HLCS: variants seen among roughly 807,000 people sequenced by gnomAD.
HLCS encodes biotin--protein ligase.
HLCS carries 53 observed loss-of-function variants against 75.0 expected under a neutral mutation model. The observed-to-expected ratio is 0.71, with a 90% CI of 0.57 to 0.89. The LOEUF (loss-of-function observed/expected upper bound fraction) is 0.89. HLCS is among the 40% of genes least tolerant of loss of function. The probability of loss-of-function intolerance (pLI) is 0.00; values close to 1 mark genes in which losing one functional copy is unlikely to be tolerated. For synonymous variants in HLCS, 431 were observed against 428.6 expected (o/e 1.01, Z -0.07); for missense variants, 966 against 1,074.0 (o/e 0.90, Z 1.41).
At chr21:36,989,043 TTTA>T (rs1196981050) in intron 1 of HLCS, among the ~76,000 whole-genome samples, 2 of 84,650 alleles carry the variant, frequency 2.4e-5, no homozygotes, top group African/African-American at 8.9e-5. Flanking sequence ...TATTTATTTA[TTTA>T]TTTTTTTTGA....
chr21:36,908,969 C>T (rs890191591), intron 5 of HLCS, among the ~76,000 whole-genome samples: 4 of 151,968 alleles, frequency 2.6e-5, no homozygotes, highest in African/African-American at 4.8e-5. Flanking sequence ...CTGAGGCGGG[C>T]GGATCACAAG....
chr21:36,787,398 T>G (rs2060721441), intron 6 of HLCS, among the ~76,000 whole-genome samples: 1 of 152,240 alleles, frequency 6.6e-6, no homozygotes, highest in Non-Finnish European at 1.5e-5. Context: ...ATGGAGGCAC[T>G]TGGCTGGTTA....
chr21:36,861,275 C>G (rs908668151), intron 6 of HLCS, among the ~76,000 whole-genome samples: 2 of 152,186 alleles, frequency 1.3e-5, no homozygotes, highest in African/African-American at 4.8e-5. Context: ...AAGAGACTGC[C>G]CTTTGCCCAG....
chr21:36,866,848 T>C (rs1316146133), intron 6 of HLCS, among the ~76,000 whole-genome samples: 2 of 145,208 alleles, frequency 1.4e-5, no homozygotes. Flanking sequence ...TAGTTTTTTT[T>C]TTTTTTTTTA....
intron 6 of HLCS, among the ~76,000 whole-genome samples, chr21:36,803,739 GTTTGT>G (rs1275879170): frequency 8.9e-6 from 1 of 112,088 alleles, no homozygotes; most frequent in African/African-American, 3.6e-5. Flanking sequence ...GTTTTGTTTT[GTTTGT>G]TTTTTTATTG....
chr21:36,851,141 A>G (rs1430893166), intron 6 of HLCS, among the ~76,000 whole-genome samples: 1 of 152,238 alleles, frequency 6.6e-6, no homozygotes, highest in Non-Finnish European at 1.5e-5. Context: ...CTACATTTCA[A>G]TAGAGCTACC....
intron 6 of HLCS, among the ~76,000 whole-genome samples, chr21:36,892,810 C>T (rs1020187029): frequency 9.2e-5 from 14 of 152,198 alleles, no homozygotes; most frequent in African/African-American, 3.1e-4. Flanking sequence ...CTATATCTAA[C>T]ATAAATTTCA....
chr21:36,762,525 T>G (rs556354677), intron 8 of HLCS, among the ~76,000 whole-genome samples: 29 of 152,296 alleles, frequency 1.9e-4, no homozygotes, highest in African/African-American at 6.7e-4. Context: ...GTGCTGACGG[T>G]GACATCTGGT....
At chr21:36,827,001 A>AT (rs2062028304) in intron 6 of HLCS, among the ~76,000 whole-genome samples, 1 of 152,230 alleles carries the variant, frequency 6.6e-6, no homozygotes, top group Admixed American at 6.5e-5. Context: ...ACATGCATGG[A>AT]TAGCAGGGTG....
At chr21:36,892,696 C>A (rs150489943) in intron 6 of HLCS, among the ~76,000 whole-genome samples, 1 of 152,176 alleles carries the variant, frequency 6.6e-6, no homozygotes, top group Non-Finnish European at 1.5e-5. Context: ...TGTCCTTCCC[C>A]GTCTTCCTTA....
intron 1 of HLCS, among the ~76,000 whole-genome samples, chr21:36,973,159 G>A (rs1020129384): frequency 6.6e-6 from 1 of 151,346 alleles, no homozygotes; most frequent in Admixed American, 6.6e-5. Flanking sequence ...GAGCCCAGAA[G>A]GTCAAGGCTT....
intron 6 of HLCS, among the ~76,000 whole-genome samples, chr21:36,827,786 CAGTGGTA>C (rs1364431100): frequency 6.6e-6 from 1 of 150,778 alleles, no homozygotes; most frequent in Non-Finnish European, 1.5e-5. Context: ...CCCCCAAACT[CAGTGGTA>C]AGTATTTTTC....
chr21:36,932,974 C>T (rs544301186), intron 4 of HLCS, among the ~76,000 whole-genome samples: 1 of 152,238 alleles, frequency 6.6e-6, no homozygotes, highest in African/African-American at 2.4e-5. Flanking sequence ...AAAAATCAGC[C>T]AGGCATGGTG....
chr21:36,897,060 C>G lies in HLCS; in HGVS notation c.1692G>C (p.Gln564His), dbSNP rs1443735135. The change falls in exon 6 of 11, where the codon CAG becomes CAC. Residue 564 changes from glutamine to histidine, a missense_variant. Physicochemically the swap from Gln to His is conservative, Grantham distance 24. Transcript: ENST00000674895. ...VDSEGEIKSG[Q>H]LSLRFVSSYV... ...AGGATGAAACAAATCTAAGAGAGAG[C>G]TGGCCGGATTTTATTTCTCCCTCGG... The G allele has an allele frequency of 6.2e-7, 1 of 1,614,128 alleles. No homozygotes were observed. The highest frequency in any genetic ancestry group is 8.5e-7 in the Non-Finnish European group (1 of 1,180,012).
intron 1 of HLCS, among the ~76,000 whole-genome samples, chr21:36,977,264 A>C (rs7276406): frequency 0.43 from 65,884 of 151,846 alleles, 14,570 homozygotes; most frequent in African/African-American, 0.52. Flanking sequence ...CGAAGGGAGA[A>C]ATCTGTGAGC....
intron 6 of HLCS, among the ~76,000 whole-genome samples, chr21:36,875,615 G>T (rs529409459): frequency 6.6e-6 from 1 of 152,294 alleles, no homozygotes; most frequent in East Asian, 1.9e-4. Flanking sequence ...TCATCGGGAC[G>T]ATCTGCCTGC....
intron 2 of HLCS, among the ~76,000 whole-genome samples, chr21:36,950,569 A>G (rs952018402): frequency 1.3e-5 from 2 of 151,948 alleles, no homozygotes; most frequent in African/African-American, 4.8e-5. Flanking sequence ...TCCTGGGCTC[A>G]AGCAATCCTC....
intron 6 of HLCS, among the ~76,000 whole-genome samples, chr21:36,848,683 T>C (rs887670888): frequency 6.6e-6 from 1 of 152,264 alleles, no homozygotes; most frequent in African/African-American, 2.4e-5. Context: ...AGAATTTTAT[T>C]ATTGTAGACC....
chr21:36,968,624 G>T (rs756559159), upstream of HLCS: 1 of 152,212 alleles, frequency 6.6e-6, no homozygotes. Flanking sequence ...GGAGAAGGAC[G>T]TGCAGTTCCC....
Sources: allele counts gnomAD v4.1 joint callset (sites outside exome capture counted in the v4.1 genomes callset), GRCh38; gene constraint gnomAD v4.1.1; transcripts MANE v1.5; gene names NCBI Gene and HGNC (gene_info 2026-07-23, HGNC 2026-07-21).